USO1: variants seen among roughly 807,000 people sequenced by gnomAD.
USO1 encodes the protein USO1 vesicle transport factor.
Under a neutral mutation model 124.5 loss-of-function variants are expected in USO1, and 57 were observed. The observed-to-expected ratio is 0.46, with a 90% CI of 0.37 to 0.57. The LOEUF is 0.57. Ranked by LOEUF, USO1 falls within the 20% of genes least tolerant of loss-of-function variation. The pLI, the probability that USO1 is intolerant of heterozygous loss-of-function variation, is 0.00. For synonymous variants in USO1, 369 were observed against 362.8 expected, an observed-to-expected ratio of 1.02 and a Z score of -0.19; for missense variants, 900 against 1,040.6, an observed-to-expected ratio of 0.86 and a Z score of 1.86.
chr4:75,802,451 T>C (rs942027837), intron 17 of USO1, among the ~76,000 whole-genome samples: 1 of 152,212 alleles, frequency 6.6e-6, no homozygotes, highest in African/African-American at 2.4e-5. Flanking sequence ...CTCTAATGAC[T>C]TCCTTAGAAA....
chr4:75,798,771 C>T (rs1722760811), intron 13 of USO1, among the ~76,000 whole-genome samples: 1 of 151,886 alleles, frequency 6.6e-6, no homozygotes, highest in Admixed American at 6.6e-5. Flanking sequence ...ATGAGACTTT[C>T]CCCAAAGTGA....
At chr4:75,737,769 G>T (rs906263141) in intron 1 of USO1, among the ~76,000 whole-genome samples, 1 of 152,016 alleles carries the variant, frequency 6.6e-6, no homozygotes, top group Admixed American at 6.6e-5. Flanking sequence ...TATTTTAAAT[G>T]CTGTATGAGT....
At chr4:75,769,261 A>G (rs964416218) in intron 4 of USO1, among the ~76,000 whole-genome samples, 2 of 152,224 alleles carry the variant, frequency 1.3e-5, no homozygotes, top group Middle Eastern at 3.2e-3. Flanking sequence ...TTTTAAAATG[A>G]AAGTATAAAG....
At position 75,790,767 on chromosome 4, in the gene USO1, G is replaced by A. The variant is rs537084726; in HGVS notation, c.1210G>A (p.Val404Met). Residue 404 changes from valine (V) to methionine (M), a missense_variant, in exon 12 of 24, where the codon GTG (valine) becomes ATG (methionine). Val to Met is a conservative substitution (Grantham distance 21). Coordinates refer to ENST00000514213, the MANE Select transcript of USO1 (RefSeq NM_003715.4). ...YKNQKGQGEI[V>M]STLLPSTIDA... Reference sequence around the variant, plus strand: ...AAACCAAAAAGGACAAGGAGAAATCGTGTCAACACTTTTACCTTCTACCAT... The same window carrying A: ...AAACCAAAAAGGACAAGGAGAAATCATGTCAACACTTTTACCTTCTACCAT... The A allele has an allele frequency of 2.9e-5, 46 of 1,610,784 alleles. No individual in the cohort carries two copies. The highest frequency in any genetic ancestry group is 6.7e-5 in the Admixed American group (4 of 59,474).
intron 4 of USO1, among the ~76,000 whole-genome samples, chr4:75,766,416 A>G (rs1490412779): frequency 1.3e-5 from 2 of 152,088 alleles, no homozygotes; most frequent in East Asian, 3.8e-4. Flanking sequence ...CCTTTACCCC[A>G]CTCCTAGTAC....
At chr4:75,747,387 C>G (rs1560438840) in intron 1 of USO1, among the ~76,000 whole-genome samples, 1 of 152,118 alleles carries the variant, frequency 6.6e-6, no homozygotes. Context: ...AGCAGTCCTC[C>G]TACCTCAGCC....
intron 4 of USO1, among the ~76,000 whole-genome samples, chr4:75,761,395 G>A (rs1352481968): frequency 6.6e-6 from 1 of 152,080 alleles, no homozygotes; most frequent in South Asian, 2.1e-4. Context: ...TGCACTCAAG[G>A]CTAGACAACA....
At chr4:75,760,074 T>C (rs890354735) in intron 4 of USO1, among the ~76,000 whole-genome samples, 1 of 152,030 alleles carries the variant, frequency 6.6e-6, no homozygotes, top group Non-Finnish European at 1.5e-5. Context: ...TAGCCGGGCG[T>C]GGTGGTGCAC....
chr4:75,812,904 G>A (rs1577979539), intron 23 of USO1, among the ~76,000 whole-genome samples: 3 of 151,814 alleles, frequency 2.0e-5, no homozygotes, highest in Admixed American at 2.0e-4. Flanking sequence ...TGAGGTCAGG[G>A]GTTCGAGACC....
chr4:75,810,233 T>C (rs934892908), intron 21 of USO1, among the ~76,000 whole-genome samples, 199 bp from the exon 22 acceptor site: 7 of 152,238 alleles, frequency 4.6e-5, no homozygotes, highest in Non-Finnish European at 8.8e-5. Flanking sequence ...CGTACTCTTA[T>C]GAGATTTGAT....
intron 1 of USO1, among the ~76,000 whole-genome samples, chr4:75,736,551 C>T (rs1441306398): frequency 4.6e-5 from 7 of 152,230 alleles, no homozygotes; most frequent in Non-Finnish European, 8.8e-5. Flanking sequence ...GATCCACCCA[C>T]CTTGGCCTAC....
In USO1 at chr4:75,770,546, A is replaced by G. The variant is rs1251913460; in HGVS notation, c.396+7A>G. On this transcript the variant is annotated splice_region_variant and intron_variant, in intron 5 of 23. Transcript: ENST00000514213. ...TCTGTTATCTTTATTGGAGGTAAAT[A>G]GGGAACCTTGATGTTTTTGTCATCT... The G allele has an allele frequency of 6.4e-7, 1 of 1,559,292 alleles. No homozygotes were observed. Among genetic ancestry groups the G allele is most frequent in the Admixed American group, 2.0e-5 (1 of 50,586 alleles).
Position 75,780,722 on chromosome 4 carries a change from A to G in USO1, c.677-1958A>G, listed in dbSNP as rs541234794. 1.8e-3 allele frequency among the ~76,000 whole-genome samples: 227 copies of G among 125,722 alleles called. 1 individual carries two copies. The Middle Eastern group carries it at 0.026, about 15-fold the overall frequency. 82.5% of individuals were successfully genotyped at this position (125,722 alleles called of 152,430 possible). On this transcript the variant is annotated intron_variant, in intron 8 of 23. Coordinates refer to ENST00000514213, the MANE Select transcript of USO1 (RefSeq NM_003715.4). ...GAATGCAGTGGTACAATCTCGGCTCATTGCAGCCTCTGCCTCCCAGGTTCA... is the reference window on the plus strand; with the variant it reads ...GAATGCAGTGGTACAATCTCGGCTCGTTGCAGCCTCTGCCTCCCAGGTTCA...
Position 75,809,112 on chromosome 4 carries a change from T to C in USO1, c.2475+61T>C, listed in dbSNP as rs967450981. On this transcript the variant is annotated intron_variant, in intron 21 of 23. Coordinates refer to ENST00000514213, the MANE Select transcript of USO1 (RefSeq NM_003715.4). The stretch of plus-strand genomic sequence containing the variant: ...AAGACAAGGTTGATGTATTATTTCT[T>C]AGCCACAATTAAAAAGAAACAAATT... The C allele has an allele frequency of 5.3e-6, 8 of 1,500,182 alleles. No individual in the cohort carries two copies. The South Asian group carries it at 1.1e-4, about 20-fold the overall frequency. The allele number at this position is 1,500,182 out of a possible 1,614,324, so 92.9% of individuals were successfully genotyped here.
intron 1 of USO1, among the ~76,000 whole-genome samples, chr4:75,730,815 CTT>C (rs531138118): frequency 6.7e-6 from 1 of 148,366 alleles, no homozygotes. Context: ...AATTTGAAAA[CTT>C]TTTTTTTTTT....
At chr4:75,741,452 A>G (rs924074321) in intron 1 of USO1, among the ~76,000 whole-genome samples, 2 of 152,176 alleles carry the variant, frequency 1.3e-5, no homozygotes, top group African/African-American at 4.8e-5. Context: ...TTAGTTTACT[A>G]TAACTTTTTA....
At chr4:75,753,025 T>C (rs1721333869) in intron 3 of USO1, among the ~76,000 whole-genome samples, 1 of 150,000 alleles carries the variant, frequency 6.7e-6, no homozygotes. Context: ...CAAGTAGATA[T>C]TCATTTACAT....
In USO1 at chr4:75,752,588, G is replaced by A; in HGVS notation, c.202G>A (p.Val68Ile). 7.5e-6 allele frequency: 3 copies of A among 398,442 alleles called. No homozygotes were observed. The highest frequency in any genetic ancestry group is 8.8e-6 in the Non-Finnish European group (2 of 226,026). 24.7% of individuals were successfully genotyped at this position (398,442 alleles called of 1,614,324 possible). A position where few individuals can be genotyped will look rare whatever the true frequency, so the allele number is the denominator to read the frequency against. The change falls in exon 3 of 24, where the codon GTT (valine) becomes ATT (isoleucine). Residue 68 changes from valine (V) to isoleucine (I), a missense_variant. By Grantham distance (29) the Val-to-Ile change is conservative. This residue lies in a region of USO1 where 538 missense variants were observed against 681.6 expected (regional missense o/e 0.79). Coordinates refer to ENST00000514213, the MANE Select transcript of USO1 (RefSeq NM_003715.4). ...ACAAGCTATGGAACATCTTATTCAT[G>A]TTTTACAAACAGATCGGTAAGTCTC... ...GIQAMEHLIH[V>I]LQTDRSDSEI...
intron 9 of USO1, among the ~76,000 whole-genome samples, chr4:75,785,495 G>A (rs1160284354): frequency 1.3e-5 from 2 of 151,868 alleles, no homozygotes; most frequent in African/African-American, 4.8e-5. Flanking sequence ...TTTCATTCTA[G>A]GGTAGTTTTA....
Sources: gnomAD v4.1 joint callset for allele counts (sites outside exome capture counted in the v4.1 genomes callset) on GRCh38, gnomAD v4.1.1 for gene constraint, gnomAD v4.1.1 regional missense constraint, MANE v1.5 for transcripts, NCBI Gene and HGNC (gene_info 2026-07-23, HGNC 2026-07-21) for gene names.